The following ROBO1 variants were observed in gnomAD, a reference collection of about 807,000 sequenced individuals.
ROBO1 encodes the protein roundabout homolog 1.
A neutral mutation model predicts 195.9 loss-of-function variants in ROBO1; 149 were observed. That is an observed-to-expected ratio of 0.76 (90% CI 0.67 to 0.87). The LOEUF is 0.87. Among genes scored for constraint, ROBO1 ranks in the 40% least tolerant of loss-of-function variants. The pLI is 0.00. For synonymous variants in ROBO1, 816 were observed against 733.2 expected (o/e 1.11, Z -1.82); for missense variants, 1,933 against 2,068.3 (o/e 0.93, Z 1.27).
chr3:78,867,230 T>C (rs2035236638), intron 4 of ROBO1, among the ~76,000 whole-genome samples: 7 of 152,190 alleles, frequency 4.6e-5, no homozygotes, highest in Admixed American at 3.9e-4. Flanking sequence ...TATTGTTCCA[T>C]GAAGCTACCT....
At chr3:79,550,445 C>G (rs141380298) in intron 2 of ROBO1, among the ~76,000 whole-genome samples, 2 of 152,048 alleles carry the variant, frequency 1.3e-5, no homozygotes, top group Non-Finnish European at 2.9e-5. Context: ...AAGGAGCATG[C>G]GATGCACTTT....
At chr3:78,752,588 G>A (rs2082824917) in intron 4 of ROBO1, among the ~76,000 whole-genome samples, 1 of 152,014 alleles carries the variant, frequency 6.6e-6, no homozygotes, top group Non-Finnish European at 1.5e-5. Context: ...ACAAATGTGT[G>A]AAAAATTTCT....
At chr3:78,652,071 A>C in intron 18 of ROBO1, 142 bp from the exon 19 acceptor site, 1 of 640,900 alleles carries the variant, frequency 1.6e-6, no homozygotes, top group Non-Finnish European at 2.7e-6. Context: ...CATCAAATAA[A>C]ATAGTTCATA....
At chr3:78,721,703 G>C (rs145074447) in intron 5 of ROBO1, among the ~76,000 whole-genome samples, 42 of 152,192 alleles carry the variant, frequency 2.8e-4, no homozygotes, top group African/African-American at 9.1e-4. Flanking sequence ...GTGAGTCAAA[G>C]GATAATAACA....
At chr3:78,837,710 T>C (rs895008730) in intron 4 of ROBO1, among the ~76,000 whole-genome samples, 1 of 152,010 alleles carries the variant, frequency 6.6e-6, no homozygotes, top group Non-Finnish European at 1.5e-5. Flanking sequence ...TCCTTTCCTA[T>C]ATGTACCAGT....
At chr3:78,709,281 T>C (rs971601602) in intron 8 of ROBO1, among the ~76,000 whole-genome samples, 1 of 152,176 alleles carries the variant, frequency 6.6e-6, no homozygotes, top group African/African-American at 2.4e-5. Context: ...GTAATTATCC[T>C]TTGATAGGTC....
chr3:78,620,329 C>T (rs367634573), intron 26 of ROBO1, among the ~76,000 whole-genome samples: 9 of 151,838 alleles, frequency 5.9e-5, no homozygotes, highest in Admixed American at 3.3e-4. Context: ...CTGGCCAACA[C>T]GGCGAAACCC....
At chr3:79,046,606 G>A (rs929835000) in intron 3 of ROBO1, among the ~76,000 whole-genome samples, 3 of 152,098 alleles carry the variant, frequency 2.0e-5, no homozygotes, top group Admixed American at 6.6e-5. Flanking sequence ...TCAAGGGCAG[G>A]AAGCATCCAG....
intron 24 of ROBO1, among the ~76,000 whole-genome samples, chr3:78,632,064 T>A (rs1430256465): frequency 6.6e-6 from 1 of 152,180 alleles, no homozygotes; most frequent in African/African-American, 2.4e-5. Context: ...AAACTTTAGG[T>A]CAACAAATAT....
intron 2 of ROBO1, among the ~76,000 whole-genome samples, chr3:79,435,926 T>C (rs2038870068): frequency 6.6e-6 from 1 of 152,116 alleles, no homozygotes; most frequent in African/African-American, 2.4e-5. Context: ...AATTTTCCTA[T>C]AAAAAGCTGA....
intron 4 of ROBO1, among the ~76,000 whole-genome samples, chr3:78,904,598 T>A (rs17312696): frequency 0.011 from 1,681 of 151,542 alleles, 13 homozygotes; most frequent in Admixed American, 0.016. Context: ...ATGCTCTCAG[T>A]AAAGGTTGGA....
In ROBO1 at chr3:78,597,635, T is replaced by C. The variant is rs1453845168; in HGVS notation, c.*1278A>G. On this transcript the variant is annotated 3_prime_UTR_variant, in exon 31 of 31. Transcript: ENST00000464233. Reference sequence around the variant, plus strand: ...AATCTACTAGTCAGAGGGCATCATTTGTCAATTGAAAGCAAGTAATGCCTC... The same window carrying C: ...AATCTACTAGTCAGAGGGCATCATTCGTCAATTGAAAGCAAGTAATGCCTC... The C allele has an allele frequency of 6.6e-6, 1 of 152,314 alleles. No homozygotes were observed. Among genetic ancestry groups the C allele is most frequent in the Admixed American group, 6.5e-5 (1 of 15,278 alleles). The allele number at this position is 152,314 out of a possible 1,614,324, so 9.4% of individuals were successfully genotyped here.
At chr3:79,021,873 G>A (rs1184641651) in intron 3 of ROBO1, among the ~76,000 whole-genome samples, 1 of 152,100 alleles carries the variant, frequency 6.6e-6, no homozygotes, top group African/African-American at 2.4e-5. Flanking sequence ...TGTTAGCCAG[G>A]TTGGTCTCGA....
chr3:79,398,327 C>T (rs1033189343), intron 2 of ROBO1, among the ~76,000 whole-genome samples: 2 of 151,958 alleles, frequency 1.3e-5, no homozygotes, highest in African/African-American at 2.4e-5. Flanking sequence ...AAAATCATGT[C>T]GATTTTAATA....
chr3:78,922,589 TCTC>T (rs1256351917), intron 4 of ROBO1, among the ~76,000 whole-genome samples: 4 of 148,702 alleles, frequency 2.7e-5, no homozygotes, highest in African/African-American at 7.6e-5. Context: ...ATTTTCTTCT[TCTC>T]CTTCTTCTTC....
At chr3:79,505,834 A>T (rs1285151987) in intron 2 of ROBO1, among the ~76,000 whole-genome samples, 1 of 152,184 alleles carries the variant, frequency 6.6e-6, no homozygotes, top group Non-Finnish European at 1.5e-5. Context: ...TAATTTTAAG[A>T]TTTAGCTTCA....
intron 2 of ROBO1, among the ~76,000 whole-genome samples, chr3:79,294,978 G>A (rs1255196241): frequency 1.3e-5 from 2 of 152,180 alleles, no homozygotes; most frequent in Non-Finnish European, 2.9e-5. Context: ...GGAGAAATAG[G>A]AACGTTTTTA....
intron 3 of ROBO1, among the ~76,000 whole-genome samples, chr3:78,944,312 TTTGA>T (rs1427575007): frequency 2.0e-5 from 3 of 152,272 alleles, no homozygotes; most frequent in Admixed American, 2.0e-4. Flanking sequence ...CACTTTGCAC[TTTGA>T]TTGCTTACTT....
intron 5 of ROBO1, among the ~76,000 whole-genome samples, chr3:78,739,268 G>C (rs1360302120): frequency 6.6e-6 from 1 of 152,104 alleles, no homozygotes; most frequent in Non-Finnish European, 1.5e-5. Flanking sequence ...TGTTGCTAAT[G>C]TGTTAGTTTT....
Sources: allele counts gnomAD v4.1 joint callset (sites outside exome capture counted in the v4.1 genomes callset), GRCh38; gene constraint gnomAD v4.1.1; transcripts MANE v1.5; gene names NCBI Gene and HGNC (gene_info 2026-07-23, HGNC 2026-07-21).